VWA5B1: variants seen among roughly 807,000 people sequenced by gnomAD.
VWA5B1 encodes von Willebrand factor A domain containing 5B1, also known as von Willebrand factor A domain-containing protein 5B1.
Under a neutral mutation model 118.2 loss-of-function variants are expected in VWA5B1, and 115 were observed. The observed-to-expected ratio is 0.97, with a 90% CI of 0.84 to 1.14. The LOEUF (loss-of-function observed/expected upper bound fraction) is 1.14, where lower values mean the gene tolerates loss of function less well. Ranked by LOEUF, VWA5B1 falls within the 50% of genes most tolerant of loss-of-function variation. VWA5B1 has a pLI of 0.00. For synonymous variants in VWA5B1, 682 were observed against 658.4 expected (o/e 1.04, Z -0.55); for missense variants, 1,596 against 1,603.8 (o/e 1.00, Z 0.08).
rs571302804 is a variant in VWA5B1, at chr1:20,297,246, G to A, written c.-27+6158G>A. Among the ~76,000 whole-genome samples the A allele has an allele frequency of 8.7e-4, 133 of 152,304 alleles. 1 individual carries two copies. Among genetic ancestry groups the A allele is most frequent in the South Asian group, 6.2e-3 (30 of 4,814 alleles). On this transcript the variant is annotated intron_variant, in intron 1 of 21. Coordinates refer to ENST00000289815, the MANE Select transcript of VWA5B1 (RefSeq NM_001039500.3). Reference sequence around the variant, plus strand: ...GTACTAGCCAATTAGATTAGGCTACGCTGCAGTAAAAAAGCAGCAACGTTT... The same window carrying A: ...GTACTAGCCAATTAGATTAGGCTACACTGCAGTAAAAAAGCAGCAACGTTT...
intron 6 of VWA5B1, among the ~76,000 whole-genome samples, 151 bp downstream of exon 6, chr1:20,318,872 T>C (rs140300956): frequency 6.6e-6 from 1 of 152,140 alleles, no homozygotes; most frequent in Non-Finnish European, 1.5e-5. Context: ...GGAGACCCAC[T>C]ACTTGCCTTC....
chr1:20,309,576 G>A (rs2088779743), intron 1 of VWA5B1, among the ~76,000 whole-genome samples: 1 of 152,360 alleles, frequency 6.6e-6, no homozygotes, highest in African/African-American at 2.4e-5. Flanking sequence ...ATGCTGGGCT[G>A]GAGAGGCCAG....
chr1:20,328,754 A>T (rs1193302886), intron 9 of VWA5B1, among the ~76,000 whole-genome samples: 1 of 152,188 alleles, frequency 6.6e-6, no homozygotes, highest in Non-Finnish European at 1.5e-5. Flanking sequence ...ACAAACAATG[A>T]CAACAACAAA....
intron 1 of VWA5B1, among the ~76,000 whole-genome samples, chr1:20,299,372 C>T (rs1264620427): frequency 6.6e-6 from 1 of 152,008 alleles, no homozygotes; most frequent in African/African-American, 2.4e-5. Flanking sequence ...CTTTGTGTGT[C>T]CCTCGTGCTC....
intron 5 of VWA5B1, among the ~76,000 whole-genome samples, chr1:20,318,041 C>T (rs1269088529): frequency 6.7e-6 from 1 of 148,672 alleles, no homozygotes; most frequent in East Asian, 2.0e-4. Flanking sequence ...TCCTAGATCC[C>T]ACCCCCCAGA....
In VWA5B1 at chr1:20,310,717, A is replaced by G. The variant is rs1370324506; in HGVS notation, c.116A>G (p.Asn39Ser). ...LGLTASLTYG[N>S]LEAQPFQGLF... Reference sequence around the variant, plus strand: ...CTAACTGCCTCCCTCACCTATGGCAACCTGGAAGCCCAGCCCTTCCAGGGT... The same window carrying G: ...CTAACTGCCTCCCTCACCTATGGCAGCCTGGAAGCCCAGCCCTTCCAGGGT... Residue 39 changes from asparagine to serine, a missense_variant, in exon 2 of 22, where the codon AAC becomes AGC. Coordinates refer to ENST00000289815, the MANE Select transcript of VWA5B1 (RefSeq NM_001039500.3). The G allele has an allele frequency of 1.9e-6, 3 of 1,549,454 alleles. No individual in the cohort carries two copies. The highest frequency in any genetic ancestry group is 1.4e-5 in the African/African-American group (1 of 73,038).
intron 7 of VWA5B1, among the ~76,000 whole-genome samples, chr1:20,322,841 A>C (rs1459435880): frequency 2.6e-5 from 4 of 152,302 alleles, no homozygotes; most frequent in African/African-American, 7.2e-5. Context: ...AAATTGGGGA[A>C]GCCTTTCCAA....
intron 8 of VWA5B1, 45 bp downstream of exon 8, chr1:20,323,577 G>A (rs915910887): frequency 1.7e-5 from 23 of 1,333,140 alleles, no homozygotes; most frequent in Middle Eastern, 2.1e-4. Context: ...GGCTCCAGGG[G>A]AAATCAGCTG....
Position 20,343,334 on chromosome 1 carries a change from C to T in VWA5B1, c.2567C>T (p.Ala856Val), listed in dbSNP as rs1436000452. The change falls in exon 16 of 22, where the codon GCC becomes GTC. Residue 856 changes from alanine (A) to valine (V), a missense_variant. Physicochemically the swap from Ala to Val is moderately conservative, Grantham distance 64 (BLOSUM62 0). Coordinates refer to ENST00000289815, the MANE Select transcript of VWA5B1 (RefSeq NM_001039500.3). ...AGCGAGACCTTCCACCACCTGGCGG[C>T]CCGCGCCATCATCCGCGACTTCGAG... ...LWSETFHHLA[A>V]RAIIRDFEQL... 3.2e-6 allele frequency: 5 copies of T among 1,542,610 alleles called. No homozygotes were observed. The Admixed American group carries it at 5.9e-5, about 18-fold the overall frequency.
At chr1:20,301,855 G>T (rs890888651) in intron 1 of VWA5B1, among the ~76,000 whole-genome samples, 5 of 152,176 alleles carry the variant, frequency 3.3e-5, no homozygotes, top group African/African-American at 1.2e-4. Flanking sequence ...CGATGTGTGG[G>T]TGCATTTCTG....
Position 20,359,295 on chromosome 1 carries a change from G to A in VWA5B1, c.*5032G>A, listed in dbSNP as rs1299677000. 6.6e-6 allele frequency among the ~76,000 whole-genome samples: 1 copy of A among 152,120 alleles called. No individual in the cohort carries two copies. The highest frequency in any genetic ancestry group is 2.4e-5 in the African/African-American group (1 of 41,426). ...TGCTCATCTGTAATGTCCCCATAGTGCCTATGACACTTTCTTCTTCTTGGG... is the reference window on the plus strand; with the variant it reads ...TGCTCATCTGTAATGTCCCCATAGTACCTATGACACTTTCTTCTTCTTGGG... On this transcript the variant is annotated 3_prime_UTR_variant, in exon 22 of 22. Transcript: ENST00000289815.
chr1:20,294,041 T>C (rs1261856617), intron 1 of VWA5B1, among the ~76,000 whole-genome samples: 2 of 152,180 alleles, frequency 1.3e-5, no homozygotes, highest in Non-Finnish European at 2.9e-5. Flanking sequence ...ATGAAAACCA[T>C]TGGATCACTG....
chr1:20,354,186 C>A lies in VWA5B1; in HGVS notation c.3571C>A (p.Gln1191Lys). 1 of 1,551,246 alleles carries A rather than the reference C, an allele frequency of 6.4e-7. No homozygotes were observed. The change falls in exon 22 of 22, where the codon CAG (glutamine) becomes AAG (lysine). Residue 1191 changes from glutamine to lysine, a missense_variant. Coordinates refer to ENST00000289815, the MANE Select transcript of VWA5B1 (RefSeq NM_001039500.3). ...GGGCACACTCAAGGCCGCTGCCCGC[C>A]AGCTGTTTGTGCTTCTGCGGCACTG... is the stretch of plus-strand genomic sequence containing the variant. ...TQGTLKAAAR[Q>K]LFVLLRHWDE...
At chr1:20,339,772 C>G (rs771048069) in intron 14 of VWA5B1, among the ~76,000 whole-genome samples, 1 of 151,994 alleles carries the variant, frequency 6.6e-6, no homozygotes, top group African/African-American at 2.4e-5. Context: ...ATTGAGGGAC[C>G]ACTTGATGCA....
intron 17 of VWA5B1, among the ~76,000 whole-genome samples, chr1:20,347,428 CTTCT>C (rs2090029621): frequency 6.6e-6 from 1 of 150,456 alleles, no homozygotes; most frequent in Non-Finnish European, 1.5e-5. Flanking sequence ...GGTGCTATAA[CTTCT>C]TTCTTCTTCT....
At chr1:20,318,321 G>T (rs2089090276) in intron 5 of VWA5B1, 2 of 510,280 alleles carry the variant, frequency 3.9e-6, no homozygotes, top group South Asian at 2.0e-5. Context: ...GCTGGGATCA[G>T]TGCGTGCCCT....
intron 1 of VWA5B1, among the ~76,000 whole-genome samples, chr1:20,306,322 G>A (rs12140623): frequency 0.072 from 10,954 of 152,092 alleles, 427 homozygotes; most frequent in Middle Eastern, 0.078. Flanking sequence ...GGAAACCAGC[G>A]GGGGCTCAGA....
At chr1:20,317,751 T>A (rs1570110113) in intron 5 of VWA5B1, 76 bp downstream of exon 5, 19 of 584,486 alleles carry the variant, frequency 3.3e-5, no homozygotes, top group East Asian at 1.7e-4. Context: ...GGGACGGGGG[T>A]GGGAAGGAAA....
intron 6 of VWA5B1, 129 bp downstream of exon 6, chr1:20,318,850 T>C (rs12097029): frequency 2.9e-6 from 4 of 1,362,864 alleles, no homozygotes; most frequent in Non-Finnish European, 2.9e-6. Context: ...GTGGGGGGTG[T>C]GGCCAAGGAG....
Sources: allele counts gnomAD v4.1 joint callset (sites outside exome capture counted in the v4.1 genomes callset), GRCh38; gene constraint gnomAD v4.1.1; transcripts MANE v1.5; gene names NCBI Gene and HGNC (gene_info 2026-07-23, HGNC 2026-07-21).